GLUD1: variants seen among roughly 807,000 people sequenced by gnomAD.
GLUD1 encodes the protein glutamate dehydrogenase 1, mitochondrial.
Under a neutral mutation model 56.0 loss-of-function variants are expected in GLUD1, and 22 were observed. The observed-to-expected ratio is 0.39, with a 90% confidence interval of 0.28 to 0.56. The LOEUF (loss-of-function observed/expected upper bound fraction) is 0.56, where lower values mean the gene tolerates loss of function less well. Among genes scored for constraint, GLUD1 ranks in the 20% least tolerant of loss-of-function variants. The pLI is 0.58. For synonymous variants in GLUD1, 223 were observed against 269.9 expected (o/e 0.83, Z 1.70); for missense variants, 451 against 732.0 (o/e 0.62, Z 4.43).
At chr10:87,079,435 T>C (rs1841143933) in intron 1 of GLUD1, among the ~76,000 whole-genome samples, 1 of 145,172 alleles carries the variant, frequency 6.9e-6, no homozygotes, top group African/African-American at 2.6e-5. Flanking sequence ...AGACCTTTCC[T>C]CAAAAAAAAA....
rs1050160 is a variant in GLUD1 at position 87,094,495 on chromosome 10, C to G, written c.275G>C (p.Arg92Pro). The change falls in exon 1 of 13, where the codon CGG (arginine) becomes CCG (proline). Residue 92 changes from arginine (R) to proline (P), a missense_variant. By Grantham distance (103) the Arg-to-Pro change is moderately radical. Coordinates refer to ENST00000277865, the MANE Select transcript of GLUD1 (RefSeq NM_005271.5). The surrounding 1 kb of genome is among the most constrained non-coding windows in gnomAD (Gnocchi z 6.6). ...EDKLVEDLRT[R>P]ESEEQKRNRV... is the part of the protein sequence containing the mutation. ...GTTCCGCTTCTGCTCCTCGCTCTCC[C>G]GGGTCCTCAGGTCCTCCACCAGCTT... is the stretch of plus-strand genomic sequence containing the variant. 1 of 1,613,594 alleles carries G rather than the reference C, an allele frequency of 6.2e-7. No individual in the cohort carries two copies. The highest frequency in any genetic ancestry group is 2.2e-5 in the East Asian group (1 of 44,860).
Position 87,053,344 on chromosome 10 carries a change from T to TG in GLUD1, c.1554dup (p.Arg519GlnfsTer11), listed in dbSNP as rs1845689018. ...GCAAACAGCATCTGCACACATACCC[T>TG]GGCAGAACGCTCCATTGTGTATGCC... On this transcript the variant is annotated frameshift_variant, in exon 12 of 13. Coordinates refer to ENST00000277865, the MANE Select transcript of GLUD1 (RefSeq NM_005271.5). LOFTEE classifies it high-confidence loss of function. 1 of 1,605,416 alleles carries TG rather than the reference T, an allele frequency of 6.2e-7. No homozygotes were observed. The highest frequency in any genetic ancestry group is 8.5e-7 in the Non-Finnish European group (1 of 1,172,130).
chr10:87,072,024 G>C lies in GLUD1; in HGVS notation c.646+2527C>G, dbSNP rs139671079. Among the ~76,000 whole-genome samples the C allele has an allele frequency of 3.0e-3, 452 of 152,330 alleles. 2 individuals carry two copies. Among genetic ancestry groups the C allele is most frequent in the African/African-American group, 0.01 (419 of 41,572 alleles). ...GCAGTGGCTCATGCCTATAATCCCA[G>C]AATTTTGGGAAGCTGAGGTGGGAAG... On this transcript the variant is annotated intron_variant, in intron 4 of 12. Coordinates refer to ENST00000277865, the MANE Select transcript of GLUD1 (RefSeq NM_005271.5).
At chr10:87,051,936 A>G in intron 12 of GLUD1, 66 bp from the exon 13 acceptor site, 3 of 1,567,042 alleles carry the variant, frequency 1.9e-6, no homozygotes, top group South Asian at 2.2e-5. Flanking sequence ...TAAACACACA[A>G]GGCCCAGACA....
Position 87,094,480 on chromosome 10 carries a change from T to C in GLUD1, c.290A>G (p.Gln97Arg). ...EDLRTRESEE[Q>R]KRNRVRGILR... The stretch of plus-strand genomic sequence containing the variant: ...GATGCCGCGCACCCGGTTCCGCTTC[T>C]GCTCCTCGCTCTCCCGGGTCCTCAG... The change falls in exon 1 of 13, where the codon CAG becomes CGG. Residue 97 changes from glutamine to arginine, a missense_variant. This residue lies in a region of GLUD1 where 158 missense variants were observed against 189.7 expected (regional missense o/e 0.83). Transcript: ENST00000277865. The surrounding 1 kb of genome is among the most constrained non-coding windows in gnomAD (Gnocchi z 6.6). The C allele has an allele frequency of 6.2e-7, 1 of 1,613,668 alleles. No individual in the cohort carries two copies. Among genetic ancestry groups the C allele is most frequent in the Admixed American group, 1.7e-5 (1 of 60,024 alleles).
intron 1 of GLUD1, among the ~76,000 whole-genome samples, chr10:87,087,583 T>C (rs1407477487): frequency 6.6e-6 from 1 of 152,216 alleles, no homozygotes; most frequent in Admixed American, 6.5e-5. Flanking sequence ...ATTTGCGACA[T>C]TCAGGAGCTC....
intron 1 of GLUD1, among the ~76,000 whole-genome samples, chr10:87,092,302 G>A (rs947117167): frequency 6.6e-6 from 1 of 152,220 alleles, no homozygotes; most frequent in Non-Finnish European, 1.5e-5. Context: ...AATTCCTGAA[G>A]ATAATAAATT....
intron 1 of GLUD1, among the ~76,000 whole-genome samples, chr10:87,091,194 T>C (rs1267015841): frequency 6.6e-6 from 1 of 152,134 alleles, no homozygotes; most frequent in Admixed American, 6.5e-5. Flanking sequence ...AATTTTATGA[T>C]AGTAGCATCA....
chr10:87,074,150 A>C (rs901969816), intron 4 of GLUD1, among the ~76,000 whole-genome samples: 7 of 152,200 alleles, frequency 4.6e-5, no homozygotes, highest in Admixed American at 4.6e-4. Flanking sequence ...AAAAACATCA[A>C]GCAAACAAAG....
At position 87,051,403 on chromosome 10, in the gene GLUD1, C is replaced by A; in HGVS notation, c.*348G>T. 1 of 380,310 alleles carries A rather than the reference C, an allele frequency of 2.6e-6. No homozygotes were observed. Among genetic ancestry groups the A allele is most frequent in the South Asian group, 2.4e-5 (1 of 42,430 alleles). 23.6% of individuals were successfully genotyped at this position (380,310 alleles called of 1,614,324 possible). A position where few individuals can be genotyped will look rare whatever the true frequency, so the allele number is the denominator to read the frequency against. ...GACTCATCCAGAAAAAATAAGCAAG[C>A]AACTGACTGCTCTTGACTGTTCCTC... On this transcript the variant is annotated 3_prime_UTR_variant, in exon 13 of 13. Transcript: ENST00000277865.
intron 1 of GLUD1, among the ~76,000 whole-genome samples, chr10:87,090,729 G>T (rs964783936): frequency 6.6e-6 from 1 of 152,042 alleles, no homozygotes; most frequent in Non-Finnish European, 1.5e-5. Flanking sequence ...ACCTACAAAG[G>T]TTATATTTTA....
rs1001704854 is a variant in GLUD1, at chr10:87,063,678, T to C, written c.742-843A>G. ...GAAAAAGGAAGTTTTTAATATAACT[T>C]GATACTTAATATAACATGACATTCA... On this transcript the variant is annotated intron_variant, in intron 5 of 12. Transcript: ENST00000277865. 2.6e-5 allele frequency among the ~76,000 whole-genome samples: 4 copies of C among 152,228 alleles called. No homozygotes were observed. In the East Asian group the frequency reaches 7.7e-4, roughly 29 times the overall value.
At chr10:87,053,986 T>G (rs1236694161) in intron 11 of GLUD1, among the ~76,000 whole-genome samples, 1 of 151,918 alleles carries the variant, frequency 6.6e-6, no homozygotes, top group South Asian at 2.1e-4. Flanking sequence ...GATAGCTATT[T>G]TCAGAGCTGG....
At chr10:87,064,783 A>T (rs1238832541) in intron 5 of GLUD1, among the ~76,000 whole-genome samples, 1 of 152,232 alleles carries the variant, frequency 6.6e-6, no homozygotes, top group Non-Finnish European at 1.5e-5. Context: ...ATGCAAACCG[A>T]GTGCCAAATG....
intron 1 of GLUD1, chr10:87,089,705 CT>C: frequency 1.0e-6 from 1 of 980,328 alleles, no homozygotes; most frequent in South Asian, 4.7e-5. Flanking sequence ...TTAATAAAGC[CT>C]TTCCTGCCTT....
intron 6 of GLUD1, chr10:87,061,352 G>A (rs774759650): frequency 4.4e-5 from 21 of 472,078 alleles, no homozygotes; most frequent in Admixed American, 1.9e-4. Context: ...GTGAAACCCC[G>A]TCTCTACTAA....
intron 11 of GLUD1, among the ~76,000 whole-genome samples, chr10:87,055,442 A>C (rs1845745527): frequency 6.6e-6 from 1 of 152,088 alleles, no homozygotes; most frequent in Non-Finnish European, 1.5e-5. Flanking sequence ...TTTTTAACTG[A>C]CAAGGCATAT....
chr10:87,083,109 C>T (rs757028261), intron 1 of GLUD1, among the ~76,000 whole-genome samples: 5 of 151,618 alleles, frequency 3.3e-5, no homozygotes, highest in Non-Finnish European at 2.9e-5. Context: ...GGCATGGTGG[C>T]ACATTCCCGT....
At chr10:87,052,115 C>T (rs1054151514) in intron 12 of GLUD1, among the ~76,000 whole-genome samples, 4 of 151,598 alleles carry the variant, frequency 2.6e-5, no homozygotes, top group Non-Finnish European at 5.9e-5. Flanking sequence ...TTTGGGAGGC[C>T]GACGTAGGCA....
Sources: gnomAD v4.1 joint callset for allele counts (sites outside exome capture counted in the v4.1 genomes callset) on GRCh38, gnomAD v4.1.1 for gene constraint, gnomAD v4.1.1 regional missense constraint, Gnocchi (gnomAD v3.1) non-coding constraint, MANE v1.5 for transcripts, NCBI Gene and HGNC (gene_info 2026-07-23, HGNC 2026-07-21) for gene names.